Variants in B4GALNT3 observed in about 807,000 individuals in gnomAD.
B4GALNT3 encodes the protein beta-1,4-N-acetyl-galactosaminyltransferase 3, also known as beta-1,4-N-acetylgalactosaminyltransferase 3.
B4GALNT3 carries 86 observed loss-of-function variants against 120.2 expected under a neutral mutation model. The ratio of observed to expected loss-of-function variants is 0.72; its 90% CI spans 0.60 to 0.86. The LOEUF is 0.86. B4GALNT3 is among the 40% of genes least tolerant of loss of function. The pLI, the probability that B4GALNT3 is intolerant of heterozygous loss-of-function variation, is 0.00. For synonymous variants in B4GALNT3, 518 were observed against 510.4 expected, an observed-to-expected ratio of 1.01 and a Z score of -0.20; for missense variants, 1,167 against 1,298.9, an observed-to-expected ratio of 0.90 and a Z score of 1.56.
chr12:506,227 T>C (rs996000314), intron 1 of B4GALNT3, among the ~76,000 whole-genome samples: 10 of 152,266 alleles, frequency 6.6e-5, no homozygotes, highest in Non-Finnish European at 1.2e-4. Context: ...TATTATCAAA[T>C]CATAGAGTGT....
rs1947179734 is a variant in B4GALNT3, at chr12:558,043, CTT to C, written c.2564_2565del (p.Phe855Ter). 1 of 1,614,016 alleles carries C rather than the reference CTT, an allele frequency of 6.2e-7. No homozygotes were observed. The highest frequency in any genetic ancestry group is 1.1e-5 in the South Asian group (1 of 91,088). The stretch of plus-strand genomic sequence containing the variant: ...ACCAGTACGTGAAGCTAAGTGGAAA[CTT>C]TGAACGCTCAGCTGGACTTCAGGCT... ...SYQYVKLSGN[F>X]ERSAGLQAGI... On this transcript the variant is annotated frameshift_variant, in exon 17 of 20. Coordinates refer to ENST00000266383, the MANE Select transcript of B4GALNT3 (RefSeq NM_173593.4). LOFTEE classifies it high-confidence loss of function.
At chr12:557,466 A>C in intron 15 of B4GALNT3, 142 bp from the exon 16 acceptor site, 2 of 773,064 alleles carry the variant, frequency 2.6e-6, no homozygotes, top group Non-Finnish European at 4.1e-6. Context: ...TGCACTGCTA[A>C]TGGTTTTGCA....
chr12:524,456 C>T (rs374595858), intron 1 of B4GALNT3, among the ~76,000 whole-genome samples: 7 of 151,926 alleles, frequency 4.6e-5, no homozygotes, highest in East Asian at 3.9e-4. Flanking sequence ...CAAAAGGAGC[C>T]GTCAGGTGGG....
At chr12:510,494 AGGGAAACG>A (rs137915117) in intron 1 of B4GALNT3, among the ~76,000 whole-genome samples, 7 of 146,618 alleles carry the variant, frequency 4.8e-5, no homozygotes, top group Admixed American at 6.8e-5. Context: ...CTGGGCTGGG[AGGGAAACG>A]GGCCCTTTCA....
At chr12:473,168 A>G (rs931941217) in intron 1 of B4GALNT3, among the ~76,000 whole-genome samples, 3 of 152,054 alleles carry the variant, frequency 2.0e-5, no homozygotes, top group East Asian at 2.0e-4. Context: ...GGGCCTCAGT[A>G]TGTTGTCCAG....
At chr12:478,922 CTT>C (rs1245953860) in intron 1 of B4GALNT3, among the ~76,000 whole-genome samples, 2 of 152,174 alleles carry the variant, frequency 1.3e-5, no homozygotes, top group African/African-American at 4.8e-5. Flanking sequence ...GGAAGGTGTC[CTT>C]ATGGACAATG....
chr12:555,572 C>T, intron 14 of B4GALNT3: 1 of 339,496 alleles, frequency 2.9e-6, no homozygotes, highest in Non-Finnish European at 5.8e-6. Flanking sequence ...TTTATGTGAA[C>T]ATACTTTCAG....
chr12:526,898 C>A (rs776574436), intron 1 of B4GALNT3, among the ~76,000 whole-genome samples: 7 of 152,056 alleles, frequency 4.6e-5, no homozygotes, highest in Non-Finnish European at 1.0e-4. Context: ...TCCTTATCTG[C>A]CCCCTTGGTT....
intron 1 of B4GALNT3, among the ~76,000 whole-genome samples, chr12:501,398 C>T (rs1946443438): frequency 6.6e-6 from 1 of 152,096 alleles, no homozygotes; most frequent in African/African-American, 2.4e-5. Flanking sequence ...TGTACCTTAT[C>T]TTTATACAAA....
At chr12:478,263 A>G (rs11063160) in intron 1 of B4GALNT3, among the ~76,000 whole-genome samples, 1 of 107,548 alleles carries the variant, frequency 9.3e-6, no homozygotes. Context: ...AAAAAAAAAA[A>G]AAAAAAAAAT....
At chr12:529,528 A>T (rs1377756698) in intron 1 of B4GALNT3, among the ~76,000 whole-genome samples, 2 of 152,254 alleles carry the variant, frequency 1.3e-5, no homozygotes, top group Non-Finnish European at 2.9e-5. Flanking sequence ...CCCAGCGTAG[A>T]TCAGCAGATG....
intron 1 of B4GALNT3, among the ~76,000 whole-genome samples, chr12:509,676 C>T (rs1946528397): frequency 6.6e-6 from 1 of 152,132 alleles, no homozygotes; most frequent in Non-Finnish European, 1.5e-5. Context: ...ACTCAAATCA[C>T]ACTTCCCTCC....
intron 1 of B4GALNT3, among the ~76,000 whole-genome samples, chr12:469,713 G>A (rs1655912440): frequency 6.6e-6 from 1 of 152,146 alleles, no homozygotes. Flanking sequence ...CAGCAACTGG[G>A]AAGCGATAGC....
chr12:555,388 G>A (rs1324875326), intron 14 of B4GALNT3: 6 of 456,752 alleles, frequency 1.3e-5, no homozygotes, highest in Non-Finnish European at 2.6e-5. Context: ...CTTAGCACAA[G>A]TTTCATTCGT....
intron 3 of B4GALNT3, among the ~76,000 whole-genome samples, chr12:539,266 C>A (rs1946891437): frequency 6.6e-6 from 1 of 152,174 alleles, no homozygotes; most frequent in Non-Finnish European, 1.5e-5. Context: ...ACACTGATCA[C>A]AAGACGCTCA....
chr12:502,073 G>A (rs1946449140), intron 1 of B4GALNT3, among the ~76,000 whole-genome samples: 1 of 152,232 alleles, frequency 6.6e-6, no homozygotes, highest in Admixed American at 6.5e-5. Flanking sequence ...TGAGAGCACA[G>A]GACAGGGGAG....
chr12:552,584 G>A lies in B4GALNT3; in HGVS notation c.1270+56G>A, dbSNP rs1452909278. On this transcript the variant is annotated intron_variant, in intron 13 of 19. Coordinates refer to ENST00000266383, the MANE Select transcript of B4GALNT3 (RefSeq NM_173593.4). ...AGGCTGAGAGGGGCGACCATGGTCT[G>A]TTTCCAGGGGATGTTCAGACCGTGC... The A allele has an allele frequency of 2.6e-6, 4 of 1,550,830 alleles. No individual in the cohort carries two copies. In the African/African-American group the frequency reaches 4.1e-5, roughly 16 times the overall value.
chr12:554,450 T>C (rs1947120731), intron 14 of B4GALNT3, among the ~76,000 whole-genome samples: 1 of 152,232 alleles, frequency 6.6e-6, no homozygotes, highest in Admixed American at 6.5e-5. Context: ...AAAATTTATA[T>C]AACATTAAAA....
At chr12:502,316 G>A (rs1012924577) in intron 1 of B4GALNT3, among the ~76,000 whole-genome samples, 2 of 152,210 alleles carry the variant, frequency 1.3e-5, no homozygotes, top group African/African-American at 4.8e-5. Flanking sequence ...CAGGTGCTCT[G>A]ACTTGGAGCA....
Sources: allele counts gnomAD v4.1 joint callset (sites outside exome capture counted in the v4.1 genomes callset), GRCh38; gene constraint gnomAD v4.1.1; transcripts MANE v1.5; gene names NCBI Gene and HGNC (gene_info 2026-07-23, HGNC 2026-07-21).